LIMA1: variants seen among roughly 807,000 people sequenced by gnomAD.
The protein encoded by LIMA1 is LIM domain and actin-binding protein 1.
LIMA1 carries 52 observed loss-of-function variants against 62.6 expected under a neutral mutation model. The ratio of observed to expected loss-of-function variants is 0.83; its 90% CI spans 0.67 to 1.05. The LOEUF (loss-of-function observed/expected upper bound fraction) is 1.05, where lower values mean the gene tolerates loss of function less well. Ranked by LOEUF, LIMA1 falls within the 50% of genes least tolerant of loss-of-function variation. LIMA1 has a pLI of 0.00. For synonymous variants in LIMA1, 302 were observed against 317.8 expected, an observed-to-expected ratio of 0.95 and a Z score of 0.53; for missense variants, 780 against 902.2, an observed-to-expected ratio of 0.86 and a Z score of 1.74.
intron 2 of LIMA1, among the ~76,000 whole-genome samples, chr12:50,242,819 A>C (rs1010485577): frequency 3.3e-5 from 5 of 152,222 alleles, no homozygotes; most frequent in South Asian, 4.1e-4. Context: ...GGGATCTGGG[A>C]CTGGGATCTG....
At chr12:50,240,823 T>C (rs559891424) in intron 2 of LIMA1, among the ~76,000 whole-genome samples, 3 of 152,086 alleles carry the variant, frequency 2.0e-5, no homozygotes, top group African/African-American at 7.2e-5. Context: ...CTGCAAGCAG[T>C]GTGTAGTGTG....
intron 8 of LIMA1, among the ~76,000 whole-genome samples, chr12:50,195,012 C>T (rs1045971023): frequency 5.9e-5 from 9 of 151,976 alleles, no homozygotes; most frequent in Admixed American, 5.2e-4. Context: ...TGCACCACTG[C>T]ACTCCAACCT....
intron 4 of LIMA1, among the ~76,000 whole-genome samples, chr12:50,219,383 G>C (rs1164154440): frequency 6.6e-6 from 1 of 152,104 alleles, no homozygotes; most frequent in Non-Finnish European, 1.5e-5. Context: ...TATTTGGGAG[G>C]CTGAGGCAGG....
intron 1 of LIMA1, among the ~76,000 whole-genome samples, chr12:50,281,764 CTCAT>C (rs1476154338): frequency 1.3e-5 from 2 of 152,146 alleles, no homozygotes; most frequent in Non-Finnish European, 2.9e-5. Flanking sequence ...AAGAGAATCA[CTCAT>C]TATTACTCAG....
At chr12:50,218,244 AATGGGC>A (rs1389520780) in intron 4 of LIMA1, 1 of 152,894 alleles carries the variant, frequency 6.5e-6, no homozygotes, top group African/African-American at 2.4e-5. Flanking sequence ...TTGGGCACAC[AATGGGC>A]ACAGTTTATG....
rs544289347 is a variant in LIMA1 at position 50,242,381 on chromosome 12, G to A, written c.119+6252C>T. On this transcript the variant is annotated intron_variant, in intron 2 of 10. Transcript: ENST00000341247. ...TCTTTGTTTTTTTTTTTTAAGATAG[G>A]TTCTCACTCTGTCACCCAGGCTGGA... Among the ~76,000 whole-genome samples the A allele has an allele frequency of 9.3e-5, 14 of 151,220 alleles. No individual in the cohort carries two copies. The South Asian group carries it at 2.9e-3, about 32-fold the overall frequency.
chr12:50,204,072 T>C (rs994071325), intron 6 of LIMA1, among the ~76,000 whole-genome samples: 1 of 152,194 alleles, frequency 6.6e-6, no homozygotes, highest in African/African-American at 2.4e-5. Flanking sequence ...GGTGATTTTA[T>C]ATTATGTGAG....
rs143212532 is a variant in LIMA1 at position 50,237,098 on chromosome 12, A to G, written c.120-5388T>C. On this transcript the variant is annotated intron_variant, in intron 2 of 10. Transcript: ENST00000341247. ...AAAGCACAAATGTTATAATTTACCA[A>G]TTCTTTCTGCTCCCAGAATTTGTCC... 3.3e-3 allele frequency among the ~76,000 whole-genome samples: 509 copies of G among 152,298 alleles called. 4 individuals carry two copies. The highest frequency in any genetic ancestry group is 0.011 in the African/African-American group (470 of 41,580).
chr12:50,177,291 C>T lies in LIMA1; in HGVS notation c.2053G>A (p.Asp685Asn), dbSNP rs746222933. Residue 685 changes from aspartate (D) to asparagine (N), a missense_variant, in exon 11 of 11, where the codon GAC (aspartate) becomes AAC (asparagine). Transcript: ENST00000341247. ...ENENLVENGA[D>N]SDEDDNSFLK... ...AAGCTGTTATCATCTTCATCGGAGT[C>T]TGCACCATTTTCTACAAGATTCTCA... The T allele has an allele frequency of 6.2e-7, 1 of 1,614,154 alleles. No individual in the cohort carries two copies. Among genetic ancestry groups the T allele is most frequent in the South Asian group, 1.1e-5 (1 of 91,082 alleles).
intron 1 of LIMA1, among the ~76,000 whole-genome samples, chr12:50,259,305 T>A (rs762700829): frequency 1.3e-5 from 2 of 152,150 alleles, no homozygotes; most frequent in Non-Finnish European, 2.9e-5. Context: ...CTTATAATAA[T>A]TTCATAATTC....
intron 9 of LIMA1, chr12:50,190,001 T>G (rs1940717572): frequency 7.0e-6 from 1 of 141,866 alleles, no homozygotes; most frequent in Non-Finnish European, 1.5e-5. Flanking sequence ...TGAGCCACCA[T>G]GCCTGGCCAA....
intron 1 of LIMA1, among the ~76,000 whole-genome samples, chr12:50,255,309 C>T (rs1276960896): frequency 2.6e-5 from 4 of 151,754 alleles, no homozygotes; most frequent in African/African-American, 9.7e-5. Context: ...AATCCCAGCA[C>T]TTTGGGAGGC....
intron 1 of LIMA1, among the ~76,000 whole-genome samples, chr12:50,262,993 ATC>A (rs1424094347): frequency 6.6e-6 from 1 of 152,220 alleles, no homozygotes; most frequent in Non-Finnish European, 1.5e-5. Context: ...ACAAAAATGA[ATC>A]TGAGACACTG....
chr12:50,277,216 T>A (rs1043012338), intron 1 of LIMA1, among the ~76,000 whole-genome samples: 1 of 150,838 alleles, frequency 6.6e-6, no homozygotes, highest in Non-Finnish European at 1.5e-5. Flanking sequence ...TTTTGACTTC[T>A]TTTTTTTTCT....
intron 1 of LIMA1, among the ~76,000 whole-genome samples, chr12:50,273,543 T>C (rs560823894): frequency 4.6e-5 from 7 of 152,100 alleles, no homozygotes; most frequent in African/African-American, 1.7e-4. Flanking sequence ...TAAATAAAAC[T>C]TCAAGCCAGC....
chr12:50,198,009 G>A (rs1285656490), intron 7 of LIMA1, among the ~76,000 whole-genome samples: 1 of 152,172 alleles, frequency 6.6e-6, no homozygotes, highest in Non-Finnish European at 1.5e-5. Context: ...GGGATTATAT[G>A]ACCATGTAAC....
intron 2 of LIMA1, 90 bp from the exon 3 acceptor site, chr12:50,231,800 G>A (rs1271913397): frequency 1.0e-5 from 13 of 1,249,534 alleles, no homozygotes; most frequent in East Asian, 9.9e-5. Context: ...GAAGTCTCAC[G>A]CTTATTGCCC....
At chr12:50,277,647 T>G (rs1225238918) in intron 1 of LIMA1, among the ~76,000 whole-genome samples, 1 of 152,200 alleles carries the variant, frequency 6.6e-6, no homozygotes, top group African/African-American at 2.4e-5. Context: ...CATTCTGCAG[T>G]ACTGCTTCAT....
intron 6 of LIMA1, 63 bp downstream of exon 6, chr12:50,204,489 T>A: frequency 6.5e-7 from 1 of 1,541,464 alleles, no homozygotes. Flanking sequence ...CTAATTCCAG[T>A]ACTCAGTGAC....
Sources: gnomAD v4.1 joint callset for allele counts (sites outside exome capture counted in the v4.1 genomes callset) on GRCh38, gnomAD v4.1.1 for gene constraint, MANE v1.5 for transcripts, NCBI Gene and HGNC (gene_info 2026-07-23, HGNC 2026-07-21) for gene names.